MAGI3: variants seen among roughly 807,000 people sequenced by gnomAD.
The protein encoded by MAGI3 is membrane-associated guanylate kinase, WW and PDZ domain-containing protein 3.
A neutral mutation model predicts 121.8 loss-of-function variants in MAGI3; 43 were observed. The observed-to-expected ratio is 0.35, with a 90% confidence interval of 0.28 to 0.46. The LOEUF (loss-of-function observed/expected upper bound fraction) is 0.46, where lower values mean the gene tolerates loss of function less well. Among genes scored for constraint, MAGI3 ranks in the 20% least tolerant of loss-of-function variants. The probability of loss-of-function intolerance (pLI) is 1.00; values close to 1 mark genes in which losing one functional copy is unlikely to be tolerated. For missense variants in MAGI3, 1,547 were observed against 1,797.3 expected (o/e 0.86, Z 2.52); for synonymous variants, 553 against 639.3 (o/e 0.86, Z 2.04).
At chr1:113,607,868 A>G (rs1031617238) in intron 6 of MAGI3, among the ~76,000 whole-genome samples, 1 of 152,134 alleles carries the variant, frequency 6.6e-6, no homozygotes, top group East Asian at 1.9e-4. Flanking sequence ...ATCATATTCT[A>G]TATTTATTTT....
chr1:113,646,442 TCTG>T (rs746899333), intron 11 of MAGI3, 41 bp from the exon 12 acceptor site: 3 of 1,497,070 alleles, frequency 2.0e-6, no homozygotes, highest in Non-Finnish European at 2.7e-6. Flanking sequence ...TAATCAACCA[TCTG>T]CTTTTTAAAA....
intron 5 of MAGI3, among the ~76,000 whole-genome samples, chr1:113,593,287 A>G (rs1648803794): frequency 6.6e-6 from 1 of 152,222 alleles, no homozygotes; most frequent in Non-Finnish European, 1.5e-5. Context: ...TAAGTATGAC[A>G]TGGTATTCCA....
In MAGI3 at chr1:113,646,555, T is replaced by C; in HGVS notation, c.2068T>C (p.Phe690Leu). The change falls in exon 12 of 21, where the codon TTT becomes CTT. Residue 690 changes from phenylalanine (F) to leucine (L), a missense_variant. By Grantham distance (22) the Phe-to-Leu change is conservative. Transcript: ENST00000307546. ...INEPIPQPMP[F>L]PPSIIRSGSP... Reference sequence around the variant, plus strand: ...TGAGCCTATTCCTCAGCCTATGCCTTTTCCACCGAGCATTATCAGGTCAGG... The same window carrying C: ...TGAGCCTATTCCTCAGCCTATGCCTCTTCCACCGAGCATTATCAGGTCAGG... The C allele has an allele frequency of 6.2e-7, 1 of 1,613,732 alleles. No individual in the cohort carries two copies. Among genetic ancestry groups the C allele is most frequent in the Non-Finnish European group, 8.5e-7 (1 of 1,179,782 alleles).
intron 1 of MAGI3, among the ~76,000 whole-genome samples, chr1:113,504,892 G>A (rs1657231223): frequency 1.3e-5 from 2 of 152,088 alleles, no homozygotes; most frequent in East Asian, 3.8e-4. Flanking sequence ...GAATTAGAGG[G>A]ACTTTCTGTG....
At chr1:113,566,690 T>G (rs1660445188) in intron 2 of MAGI3, among the ~76,000 whole-genome samples, 1 of 152,048 alleles carries the variant, frequency 6.6e-6, no homozygotes, top group African/African-American at 2.4e-5. Context: ...AAACAGTGTG[T>G]TCTTAAACAA....
At chr1:113,512,845 T>G (rs979632685) in intron 1 of MAGI3, among the ~76,000 whole-genome samples, 1 of 152,200 alleles carries the variant, frequency 6.6e-6, no homozygotes, top group Non-Finnish European at 1.5e-5. Flanking sequence ...TGTCCCTGTT[T>G]GCAGATGACA....
intron 9 of MAGI3, among the ~76,000 whole-genome samples, chr1:113,624,532 T>C (rs955321235): frequency 6.6e-6 from 1 of 152,252 alleles, no homozygotes; most frequent in Admixed American, 6.5e-5. Flanking sequence ...TCTATTCCAA[T>C]GTTTTGCCCA....
At chr1:113,604,059 T>C (rs1649579818) in intron 6 of MAGI3, among the ~76,000 whole-genome samples, 1 of 152,190 alleles carries the variant, frequency 6.6e-6, no homozygotes, top group South Asian at 2.1e-4. Flanking sequence ...ACAGCCTCTA[T>C]GGAAAACAGT....
At chr1:113,437,895 TCTC>T (rs1230098541) in intron 1 of MAGI3, among the ~76,000 whole-genome samples, 18 of 11,838 alleles carry the variant, frequency 1.5e-3, no homozygotes, top group East Asian at 0.028. Flanking sequence ...TCCTTCTCCT[TCTC>T]CTTCTCCTTC....
intron 11 of MAGI3, among the ~76,000 whole-genome samples, chr1:113,644,793 A>G (rs1394103132): frequency 6.6e-6 from 1 of 152,226 alleles, no homozygotes; most frequent in East Asian, 1.9e-4. Flanking sequence ...ATTTGTAGCT[A>G]TTTAAATATC....
intron 16 of MAGI3, among the ~76,000 whole-genome samples, chr1:113,668,190 C>G (rs1266650205): frequency 6.6e-6 from 1 of 152,056 alleles, no homozygotes; most frequent in Non-Finnish European, 1.5e-5. Flanking sequence ...AAAAATGGCA[C>G]TAATAGACTC....
At chr1:113,435,684 C>G (rs1313112341) in intron 1 of MAGI3, among the ~76,000 whole-genome samples, 1 of 152,074 alleles carries the variant, frequency 6.6e-6, no homozygotes, top group Non-Finnish European at 1.5e-5. Context: ...GAATTCAACA[C>G]AGCTGATATG....
At chr1:113,593,098 T>G (rs1170110508) in intron 5 of MAGI3, among the ~76,000 whole-genome samples, 1 of 152,204 alleles carries the variant, frequency 6.6e-6, no homozygotes, top group African/African-American at 2.4e-5. Flanking sequence ...GCTCTGCAAG[T>G]AGCTCAGCGG....
chr1:113,506,461 AT>A (rs1657333279), intron 1 of MAGI3, among the ~76,000 whole-genome samples: 1 of 150,970 alleles, frequency 6.6e-6, no homozygotes, highest in Non-Finnish European at 1.5e-5. Flanking sequence ...AGTGTTCTAC[AT>A]TTCATATTCT....
chr1:113,466,208 A>T (rs1439167005), intron 1 of MAGI3, among the ~76,000 whole-genome samples: 1 of 152,080 alleles, frequency 6.6e-6, no homozygotes, highest in Non-Finnish European at 1.5e-5. Context: ...TCATAAAGGG[A>T]TGTTGAATTT....
chr1:113,497,027 G>A (rs1376286055), intron 1 of MAGI3, among the ~76,000 whole-genome samples: 1 of 152,178 alleles, frequency 6.6e-6, no homozygotes, highest in African/African-American at 2.4e-5. Context: ...GGAGGCAAAG[G>A]CAGGCAGATC....
chr1:113,649,042 T>C (rs1252864445), intron 12 of MAGI3, among the ~76,000 whole-genome samples, 195 bp from the exon 13 acceptor site: 1 of 152,158 alleles, frequency 6.6e-6, no homozygotes, highest in Non-Finnish European at 1.5e-5. Context: ...TACAGTTTTG[T>C]TTAGAGCTCA....
At chr1:113,491,708 T>C (rs1656675454) in intron 1 of MAGI3, among the ~76,000 whole-genome samples, 1 of 151,996 alleles carries the variant, frequency 6.6e-6, no homozygotes, top group South Asian at 2.1e-4. Context: ...CCCATGAAAA[T>C]ATAAATAACC....
At chr1:113,488,780 T>C (rs954103622) in intron 1 of MAGI3, among the ~76,000 whole-genome samples, 1 of 151,968 alleles carries the variant, frequency 6.6e-6, no homozygotes, top group African/African-American at 2.4e-5. Flanking sequence ...GCACTAACAC[T>C]GCTGTGGGAG....
Sources: allele counts gnomAD v4.1 joint callset (sites outside exome capture counted in the v4.1 genomes callset), GRCh38; gene constraint gnomAD v4.1.1; transcripts MANE v1.5; gene names NCBI Gene and HGNC (gene_info 2026-07-23, HGNC 2026-07-21).